PRSS23: variants seen among roughly 807,000 people sequenced by gnomAD.
PRSS23 encodes protease, serine 23.
A neutral mutation model predicts 34.7 loss-of-function variants in PRSS23; 25 were observed. The observed-to-expected ratio is 0.72, with a 90% confidence interval of 0.53 to 1.01. The LOEUF (loss-of-function observed/expected upper bound fraction) is 1.01, where lower values mean the gene tolerates loss of function less well. Ranked by LOEUF, PRSS23 falls within the 50% of genes least tolerant of loss-of-function variation. The pLI is 0.00. For synonymous variants in PRSS23, 176 were observed against 186.6 expected, an observed-to-expected ratio of 0.94 and a Z score of 0.46; for missense variants, 445 against 475.6, an observed-to-expected ratio of 0.94 and a Z score of 0.60.
At chr11:86,868,835 A>T (rs774282011) in intron 2 of PRSS23, among the ~76,000 whole-genome samples, 27 of 152,144 alleles carry the variant, frequency 1.8e-4, no homozygotes, top group Non-Finnish European at 3.8e-4. Context: ...TTTTTGAGAC[A>T]GTGTGTCACC....
intron 1 of PRSS23, among the ~76,000 whole-genome samples, chr11:86,803,699 C>G (rs1435131674): frequency 6.6e-6 from 1 of 152,086 alleles, no homozygotes; most frequent in East Asian, 1.9e-4. Flanking sequence ...CATACACACA[C>G]AGCCATCCCT....
chr11:86,912,627 GTTC>G (rs1212387737), intron 2 of PRSS23, among the ~76,000 whole-genome samples: 2 of 151,886 alleles, frequency 1.3e-5, no homozygotes, highest in South Asian at 2.1e-4. Flanking sequence ...ATTCCATTTG[GTTC>G]TTTTTTTAAT....
intron 2 of PRSS23, among the ~76,000 whole-genome samples, chr11:86,865,868 A>G (rs1948646109): frequency 6.6e-6 from 1 of 152,204 alleles, no homozygotes; most frequent in African/African-American, 2.4e-5. Context: ...CCAACAGCTT[A>G]CACAAAGTCC....
chr11:86,811,944 G>A (rs1275417959), downstream of PRSS23, among the ~76,000 whole-genome samples: 1 of 152,078 alleles, frequency 6.6e-6, no homozygotes, highest in Non-Finnish European at 1.5e-5. Flanking sequence ...TTCTTACTTT[G>A]CCTGGGTTCT....
intron 2 of PRSS23, among the ~76,000 whole-genome samples, chr11:86,880,443 A>T (rs1238833994): frequency 1.3e-5 from 2 of 151,112 alleles, no homozygotes; most frequent in South Asian, 2.1e-4. Flanking sequence ...AATGATCAAT[A>T]AAAAAAATAA....
In PRSS23 at chr11:86,901,250, T is replaced by C. The variant is rs148319614; in HGVS notation, c.207-49966T>C. On this transcript the variant is annotated intron_variant, in intron 2 of 2. Coordinates refer to the PRSS23 transcript ENST00000533902. ...TACACCTGATGGAGAGTAAACCTCA[T>C]GGGGACATTGACCAATATGCACCTA... Among the ~76,000 whole-genome samples, 609 of 152,252 alleles carry C rather than the reference T, an allele frequency of 4.0e-3. 6 individuals are homozygous for C. The highest frequency in any genetic ancestry group is 0.027 in the Middle Eastern group (8 of 294).
intron 2 of PRSS23, chr11:86,910,177 T>C (rs969688124): frequency 7.9e-5 from 12 of 152,214 alleles, no homozygotes. Flanking sequence ...CTCAGATTGC[T>C]CCTGTAAGAT....
In PRSS23 at chr11:86,841,064, G is replaced by A. The variant is rs181134997; in HGVS notation, c.206+17471G>A. Among the ~76,000 whole-genome samples the A allele has an allele frequency of 2.6e-5, 4 of 152,138 alleles. No individual in the cohort carries two copies. In the South Asian group the frequency reaches 6.2e-4, roughly 24 times the overall value. On this transcript the variant is annotated intron_variant, in intron 2 of 2. Transcript: ENST00000533902. The stretch of plus-strand genomic sequence containing the variant: ...AATTAAAAGAACTAGGGAAGGCCAG[G>A]CGAGGTGGCACATACCTGTAATCCC...
chr11:86,931,840 A>ATTT, intron 2 of PRSS23, among the ~76,000 whole-genome samples: 1 of 149,586 alleles, frequency 6.7e-6, no homozygotes, highest in African/African-American at 2.5e-5. Flanking sequence ...ATTTTTTTTA[A>ATTT]AAAAAAGAGT....
chr11:86,834,835 G>T (rs530797629), intron 2 of PRSS23, among the ~76,000 whole-genome samples: 1 of 152,212 alleles, frequency 6.6e-6, no homozygotes, highest in African/African-American at 2.4e-5. Flanking sequence ...CCGAGTAAGG[G>T]CTATTAGTTC....
intron 2 of PRSS23, among the ~76,000 whole-genome samples, chr11:86,915,165 A>T (rs1232129057): frequency 6.6e-6 from 1 of 152,206 alleles, no homozygotes; most frequent in Non-Finnish European, 1.5e-5. Context: ...CAGGGGATTC[A>T]TGGGAACATG....
chr11:86,833,246 C>A, intron 2 of PRSS23: 3 of 1,573,766 alleles, frequency 1.9e-6, no homozygotes, highest in South Asian at 1.1e-5. Flanking sequence ...GAGGTGAAAC[C>A]GATGTCAGCC....
At chr11:86,939,401 A>ATATAT (rs1555083983) in intron 2 of PRSS23, among the ~76,000 whole-genome samples, 5 of 56,838 alleles carry the variant, frequency 8.8e-5, no homozygotes, top group Admixed American at 2.0e-4. Flanking sequence ...GTTAAAAAAA[A>ATATAT]AAATATATAT....
chr11:86,944,341 C>T (rs1949226289), intron 2 of PRSS23, among the ~76,000 whole-genome samples: 1 of 151,792 alleles, frequency 6.6e-6, no homozygotes, highest in Non-Finnish European at 1.5e-5. Flanking sequence ...TTGATTTAAT[C>T]TGCAAAGACC....
chr11:86,819,424 T>C (rs1284813292), intron 1 of PRSS23, among the ~76,000 whole-genome samples: 3 of 152,216 alleles, frequency 2.0e-5, no homozygotes, highest in African/African-American at 7.2e-5. Context: ...CTATATATAA[T>C]TTATTAACTT....
intron 2 of PRSS23, among the ~76,000 whole-genome samples, chr11:86,833,849 G>A (rs1236186223): frequency 6.6e-6 from 1 of 152,126 alleles, no homozygotes; most frequent in African/African-American, 2.4e-5. Context: ...CTGTTGGGGA[G>A]GTTGGCCGAC....
At chr11:86,826,567 T>C (rs1948302705) in intron 2 of PRSS23, among the ~76,000 whole-genome samples, 2 of 152,334 alleles carry the variant, frequency 1.3e-5, no homozygotes, top group South Asian at 2.1e-4. Flanking sequence ...CCCTGTCTTG[T>C]GCCAGTTTTC....
intron 2 of PRSS23, among the ~76,000 whole-genome samples, chr11:86,848,875 CA>C (rs1948508153): frequency 6.6e-6 from 1 of 152,174 alleles, no homozygotes; most frequent in Non-Finnish European, 1.5e-5. Context: ...AGGAGCAGGC[CA>C]ATTGCCTAGT....
At chr11:86,832,364 C>G (rs896552164) in intron 2 of PRSS23, among the ~76,000 whole-genome samples, 1 of 152,024 alleles carries the variant, frequency 6.6e-6, no homozygotes, top group African/African-American at 2.4e-5. Context: ...TGGGTGTACT[C>G]CATGTGTGTA....
Sources: allele counts gnomAD v4.1 joint callset (sites outside exome capture counted in the v4.1 genomes callset), GRCh38; gene constraint gnomAD v4.1.1; transcripts MANE v1.5; gene names NCBI Gene and HGNC (gene_info 2026-07-23, HGNC 2026-07-21).